The following ADAMTSL3 variants were observed in gnomAD, a reference collection of about 807,000 sequenced individuals.
ADAMTSL3 encodes the protein ADAMTS like 3.
In ADAMTSL3, 128 loss-of-function variants were observed where a neutral mutation model predicts 201.7. The observed-to-expected ratio is 0.63, with a 90% CI of 0.55 to 0.73. The LOEUF (loss-of-function observed/expected upper bound fraction) is 0.73, where lower values mean the gene tolerates loss of function less well. Among genes scored for constraint, ADAMTSL3 ranks in the 30% least tolerant of loss-of-function variants. The probability of loss-of-function intolerance (pLI) is 0.00; values close to 1 mark genes in which losing one functional copy is unlikely to be tolerated. For synonymous variants in ADAMTSL3, 738 were observed against 748.4 expected (o/e 0.99, Z 0.23); for missense variants, 1,990 against 2,119.6 (o/e 0.94, Z 1.20).
At position 83,928,816 on chromosome 15, in the gene ADAMTSL3, C is replaced by A. The variant is rs144167281; in HGVS notation, c.2117+4783C>A. On this transcript the variant is annotated intron_variant, in intron 17 of 29. Coordinates refer to ENST00000286744, the MANE Select transcript of ADAMTSL3 (RefSeq NM_207517.3). ...TTAATTTAAATTTTCAAGACTAAAT[C>A]AAACATTTTCCCCCACTTTATCATG... Among the ~76,000 whole-genome samples, 565 of 152,294 alleles carry A rather than the reference C, an allele frequency of 3.7e-3. 3 individuals are homozygous for A. The highest frequency in any genetic ancestry group is 0.013 in the African/African-American group (528 of 41,574).
At chr15:83,748,969 T>A (rs193252353) in intron 3 of ADAMTSL3, among the ~76,000 whole-genome samples, 6 of 152,224 alleles carry the variant, frequency 3.9e-5, no homozygotes, top group Admixed American at 3.9e-4. Flanking sequence ...CTTGGGAGTT[T>A]CTTGGGATTG....
At chr15:83,977,248 C>T (rs1240546623) in intron 20 of ADAMTSL3, among the ~76,000 whole-genome samples, 1 of 152,012 alleles carries the variant, frequency 6.6e-6, no homozygotes, top group Non-Finnish European at 1.5e-5. Flanking sequence ...ACCATCTAGC[C>T]CCCAATCCCC....
intron 20 of ADAMTSL3, among the ~76,000 whole-genome samples, chr15:83,973,721 C>T (rs912099206): frequency 1.3e-4 from 20 of 152,082 alleles, no homozygotes; most frequent in African/African-American, 4.6e-4. Flanking sequence ...GGCATAATGT[C>T]GTGATTTTCC....
rs558940466 is a variant in ADAMTSL3, at chr15:83,902,997, A to G, written c.1700+3266A>G. 1.7e-3 allele frequency among the ~76,000 whole-genome samples: 264 copies of G among 152,256 alleles called. 1 individual carries two copies. Among genetic ancestry groups the G allele is most frequent in the Non-Finnish European group, 2.0e-3 (135 of 68,014 alleles). ...TTTCATCGAAACCATCACCACTGCC[A>G]CTACCCCCTGATCATTTTTGAAGCA... On this transcript the variant is annotated intron_variant, in intron 15 of 29. Transcript: ENST00000286744.
intron 3 of ADAMTSL3, among the ~76,000 whole-genome samples, chr15:83,706,944 C>T (rs893412949): frequency 5.3e-5 from 8 of 152,180 alleles, no homozygotes; most frequent in Admixed American, 5.2e-4. Flanking sequence ...GTTGGGATTA[C>T]AGGTGTGAGC....
At chr15:83,955,279 C>T (rs1258580080) in intron 19 of ADAMTSL3, among the ~76,000 whole-genome samples, 3 of 152,176 alleles carry the variant, frequency 2.0e-5, no homozygotes, top group Non-Finnish European at 4.4e-5. Context: ...GGCAGAGGAG[C>T]TCTCCCCATG....
intron 3 of ADAMTSL3, among the ~76,000 whole-genome samples, chr15:83,750,338 A>G (rs544079414): frequency 6.6e-6 from 1 of 152,360 alleles, no homozygotes; most frequent in South Asian, 2.1e-4. Context: ...CCCTGGCAGT[A>G]AAGAAATGAA....
intron 3 of ADAMTSL3, among the ~76,000 whole-genome samples, chr15:83,754,171 C>T (rs1221339045): frequency 6.6e-6 from 1 of 152,158 alleles, no homozygotes; most frequent in Non-Finnish European, 1.5e-5. Flanking sequence ...GTTGCAACAA[C>T]CATAAATGTC....
At chr15:83,699,441 A>G (rs2061736784) in intron 2 of ADAMTSL3, among the ~76,000 whole-genome samples, 1 of 151,994 alleles carries the variant, frequency 6.6e-6, no homozygotes, top group Non-Finnish European at 1.5e-5. Flanking sequence ...CTTCTAATCC[A>G]TGCACCTCTC....
At chr15:84,030,892 G>T (rs964570248) in intron 27 of ADAMTSL3, among the ~76,000 whole-genome samples, 1 of 152,164 alleles carries the variant, frequency 6.6e-6, no homozygotes, top group Non-Finnish European at 1.5e-5. Flanking sequence ...GTTCTCACAA[G>T]ATCTGATTGT....
intron 4 of ADAMTSL3, among the ~76,000 whole-genome samples, chr15:83,778,845 C>A (rs1041727774): frequency 1.6e-4 from 25 of 152,054 alleles, no homozygotes; most frequent in Non-Finnish European, 2.8e-4. Context: ...GAACCAAGAC[C>A]CATTGGTATG....
chr15:83,766,343 A>ATGTATCT (rs2062890254), intron 3 of ADAMTSL3, among the ~76,000 whole-genome samples: 1 of 152,210 alleles, frequency 6.6e-6, no homozygotes, highest in Non-Finnish European at 1.5e-5. Context: ...CTCTTGGTAT[A>ATGTATCT]GTTTGTGTGA....
chr15:83,767,989 T>C (rs889786065), intron 3 of ADAMTSL3, among the ~76,000 whole-genome samples: 27 of 152,104 alleles, frequency 1.8e-4, no homozygotes, highest in African/African-American at 6.5e-4. Context: ...GGCTCGTAGA[T>C]AGGGTGACAG....
intron 19 of ADAMTSL3, among the ~76,000 whole-genome samples, chr15:83,944,738 T>C (rs1375578036): frequency 6.6e-6 from 1 of 152,232 alleles, no homozygotes; most frequent in African/African-American, 2.4e-5. Flanking sequence ...AACAGACCCA[T>C]GCTGGTACCC....
chr15:83,945,382 C>G (rs765257572), intron 19 of ADAMTSL3, among the ~76,000 whole-genome samples: 1 of 152,186 alleles, frequency 6.6e-6, no homozygotes, highest in Non-Finnish European at 1.5e-5. Flanking sequence ...GAAGGTCTGT[C>G]TGGAGAGCTT....
At position 83,731,850 on chromosome 15, in the gene ADAMTSL3, C is replaced by T. The variant is rs183243490; in HGVS notation, c.189+27342C>T. Among the ~76,000 whole-genome samples, 206 of 152,084 alleles carry T rather than the reference C, an allele frequency of 1.4e-3. 1 individual carries two copies. The highest frequency in any genetic ancestry group is 4.7e-3 in the African/African-American group (197 of 41,528). Reference sequence around the variant, plus strand: ...TAAGCCAGACACAGAAATAAAAATACTGCATGATCTCACTTATACGTGAAA... The same window carrying T: ...TAAGCCAGACACAGAAATAAAAATATTGCATGATCTCACTTATACGTGAAA... On this transcript the variant is annotated intron_variant, in intron 3 of 29. Transcript: ENST00000286744.
rs766185759 is a variant in ADAMTSL3, at chr15:83,858,436, G to A, written c.728-330G>A. Among the ~76,000 whole-genome samples the A allele has an allele frequency of 8.0e-4, 122 of 152,182 alleles. 1 individual carries two copies. The highest frequency in any genetic ancestry group is 2.4e-3 in the Admixed American group (36 of 15,284). ...TGCCCAGGCTGGAGTCCAGTGGCAC[G>A]TTCTCAGCTCACTGCAGACTCCATC... On this transcript the variant is annotated intron_variant, in intron 7 of 29. Coordinates refer to ENST00000286744, the MANE Select transcript of ADAMTSL3 (RefSeq NM_207517.3).
chr15:83,660,068 G>C (rs571320684), intron 2 of ADAMTSL3, among the ~76,000 whole-genome samples: 4 of 152,148 alleles, frequency 2.6e-5, no homozygotes, highest in Non-Finnish European at 5.9e-5. Context: ...GATGTCAGGG[G>C]TGGGCTTTGA....
At chr15:83,860,908 CT>C (rs1567196062) in intron 8 of ADAMTSL3, among the ~76,000 whole-genome samples, 2 of 152,208 alleles carry the variant, frequency 1.3e-5, no homozygotes, top group African/African-American at 4.8e-5. Context: ...AGGGAATTCC[CT>C]TTCCTAGTCA....
Sources: allele counts gnomAD v4.1 joint callset (sites outside exome capture counted in the v4.1 genomes callset), GRCh38; gene constraint gnomAD v4.1.1; transcripts MANE v1.5; gene names NCBI Gene and HGNC (gene_info 2026-07-23, HGNC 2026-07-21).